Variants in LAS1L observed in about 807,000 individuals in gnomAD.
LAS1L encodes LAS1 like ribosome biogenesis factor.
A neutral mutation model predicts 57.3 loss-of-function variants in LAS1L; 5 were observed. The observed-to-expected ratio is 0.09, with a 90% CI of 0.05 to 0.18. The LOEUF (loss-of-function observed/expected upper bound fraction) is 0.18, where lower values mean the gene tolerates loss of function less well. Among genes scored for constraint, LAS1L ranks in the 10% least tolerant of loss-of-function variants. The pLI is 1.00. For missense variants in LAS1L, 360 were observed against 568.3 expected, an observed-to-expected ratio of 0.63 and a Z score of 3.73; for synonymous variants, 245 against 231.7, an observed-to-expected ratio of 1.06 and a Z score of -0.52.
chrX:65,529,015 G>A (rs2069326718), intron 6 of LAS1L, among the ~76,000 whole-genome samples, 197 bp downstream of exon 6: 1 of 112,022 alleles, frequency 8.9e-6, no homozygotes, highest in Non-Finnish European at 1.9e-5. Context: ...CCCTTCCATC[G>A]GTGTGGAGGA....
intron 5 of LAS1L, 35 bp from the exon 6 acceptor site, chrX:65,529,293 A>G (rs763986446): frequency 1.8e-6 from 2 of 1,110,621 alleles, no homozygotes; most frequent in Non-Finnish European, 2.5e-6. Context: ...TAGGACTGCC[A>G]GCCCAGACCC....
rs780223355 is a variant in LAS1L at position 65,534,470 on chromosome X, G to C, written c.236+10C>G. On this transcript the variant is annotated intron_variant, in intron 1 of 13. Transcript: ENST00000374811. ...GCACGCAGGCAAAAGGGCCGAACCCGCCACCTTACCTGCTCCTCCACACCG... is the reference window on the plus strand; with the variant it reads ...GCACGCAGGCAAAAGGGCCGAACCCCCCACCTTACCTGCTCCTCCACACCG... 6 of 1,179,098 alleles carry C rather than the reference G, an allele frequency of 5.1e-6. No homozygotes were observed. The Admixed American group carries it at 1.4e-4, about 27-fold the overall frequency.
chrX:65,525,185 G>GGGTA, intron 7 of LAS1L, 135 bp from the exon 8 acceptor site: 3 of 484,812 alleles, frequency 6.2e-6, no homozygotes, highest in Non-Finnish European at 7.1e-6. Flanking sequence ...GGTGGTGGGT[G>GGGTA]GGTAGGAGTG....
rs757509182 is a variant in LAS1L at position 65,518,233 on chromosome X, C to T, written c.1681G>A (p.Val561Ile). 8.3e-7 allele frequency: 1 copy of T among 1,212,057 alleles called. No homozygotes were observed. The highest frequency in any genetic ancestry group is 1.8e-5 in the South Asian group (1 of 56,997). ...TTCTCCTCTTCCTTGACATCATTAA[C>T]ACTGCCCTGCTCCTCCTGTTGCTGG... ...KAQQQEEQGS[V>I]NDVKEEEKEE... is the part of the protein sequence containing the mutation. The change falls in exon 12 of 14, where the codon GTT becomes ATT. Residue 561 changes from valine (V) to isoleucine (I), a missense_variant. Coordinates refer to ENST00000374811, the MANE Select transcript of LAS1L (RefSeq NM_031206.7).
intron 7 of LAS1L, among the ~76,000 whole-genome samples, chrX:65,525,867 CT>C (rs770775311): frequency 9.0e-6 from 1 of 110,762 alleles, no homozygotes; most frequent in South Asian, 3.8e-4. Context: ...TCCCAAGAGG[CT>C]TTCTGCTACA....
At chrX:65,516,132 TATA>T (rs762605843) in intron 12 of LAS1L, among the ~76,000 whole-genome samples, 13 of 111,841 alleles carry the variant, frequency 1.2e-4, no homozygotes, top group African/African-American at 4.2e-4. Context: ...CCTGGCATTC[TATA>T]ATGTGTCAAC....
chrX:65,528,398 G>C, intron 6 of LAS1L, 29 bp from the exon 7 acceptor site: 3 of 975,710 alleles, frequency 3.1e-6, no homozygotes, highest in Non-Finnish European at 4.3e-6. Context: ...CCATCAGAAG[G>C]CTGGTTCAGC....
At position 65,512,897 on chromosome X, in the gene LAS1L, A is replaced by G; in HGVS notation, c.2083T>C (p.Leu695=). ...CTGCCGACACCACAGCTCAGGCCCA[A>G]GGTGCTGAGGAGAGAGTGGGAGGTC... is the stretch of plus-strand genomic sequence containing the variant. ...LEPSTCKTDT[L]GLSCGVGSGN... The change falls in exon 14 of 14, where the codon TTG becomes CTG. Residue 695 remains leucine (L), a synonymous_variant. Coordinates refer to ENST00000374811, the MANE Select transcript of LAS1L (RefSeq NM_031206.7). The G allele has an allele frequency of 8.6e-7, 1 of 1,165,121 alleles. No individual in the cohort carries two copies. Among genetic ancestry groups the G allele is most frequent in the East Asian group, 3.3e-5 (1 of 30,718 alleles).
chrX:65,529,052 G>A (rs191753379), intron 6 of LAS1L, among the ~76,000 whole-genome samples, 160 bp downstream of exon 6: 1 of 111,924 alleles, frequency 8.9e-6, no homozygotes, highest in African/African-American at 3.3e-5. Flanking sequence ...TGCTCCTCTT[G>A]TCTCCTTCCT....
At chrX:65,531,108 T>C (rs1407449943) in intron 4 of LAS1L, among the ~76,000 whole-genome samples, 1 of 112,566 alleles carries the variant, frequency 8.9e-6, no homozygotes, top group Non-Finnish European at 1.9e-5. Context: ...ACTAATCCCG[T>C]TTTACTTAAA....
intron 7 of LAS1L, 150 bp from the exon 8 acceptor site, chrX:65,525,200 G>T: frequency 2.2e-6 from 1 of 462,827 alleles, no homozygotes; most frequent in Non-Finnish European, 3.8e-6. Context: ...GGAGTGGGGA[G>T]GAAGGGAGTT....
intron 11 of LAS1L, chrX:65,521,104 G>T: frequency 2.7e-6 from 2 of 751,101 alleles, no homozygotes; most frequent in Non-Finnish European, 3.1e-6. Context: ...GTCTTGCCTT[G>T]ACTGACTTTG....
At chrX:65,513,826 G>A (rs2068528793) in intron 13 of LAS1L, among the ~76,000 whole-genome samples, 1 of 112,245 alleles carries the variant, frequency 8.9e-6, no homozygotes, top group Non-Finnish European at 1.9e-5. Flanking sequence ...CTTACCCAGG[G>A]CCAGGCTGGT....
chrX:65,523,727 C>T lies in LAS1L; in HGVS notation c.1301-20G>A. On this transcript the variant is annotated intron_variant, in intron 10 of 13. Coordinates refer to ENST00000374811, the MANE Select transcript of LAS1L (RefSeq NM_031206.7). ...TCCGTCCTGAGAGAGAAGAGAGGAT[C>T]TAAGGAGAAGGAAGCAGTGAGCCCC... The T allele has an allele frequency of 8.6e-7, 1 of 1,161,739 alleles. No homozygotes were observed. The highest frequency in any genetic ancestry group is 3.1e-5 in the East Asian group (1 of 31,856).
chrX:65,517,638 C>T (rs1291783274), intron 12 of LAS1L, among the ~76,000 whole-genome samples: 5 of 112,396 alleles, frequency 4.4e-5, no homozygotes, highest in Non-Finnish European at 7.5e-5. Flanking sequence ...ACACAGAAAG[C>T]ACTGTCTCAC....
At chrX:65,518,520 A>T (rs1454370765) in intron 11 of LAS1L, 55 bp from the exon 12 acceptor site, 1 of 1,130,095 alleles carries the variant, frequency 8.8e-7, no homozygotes, top group Admixed American at 2.8e-5. Flanking sequence ...GCCACTTCAT[A>T]CCCCAACACT....
chrX:65,524,075 G>A lies in LAS1L; in HGVS notation c.1281C>T (p.Ile427=). Residue 427 remains isoleucine, a synonymous_variant, in exon 10 of 14, where the codon ATC becomes ATT. Coordinates refer to ENST00000374811, the MANE Select transcript of LAS1L (RefSeq NM_031206.7). ...CCTCACCAGTCTTGGTGTTGGCCAC[G>A]ATCAGTTCAACGGTCCATCTGAGGA... The part of the protein sequence containing the change: ...TYILRWTVEL[I]VANTKTGRNA... 1.1e-5 allele frequency: 13 copies of A among 1,210,675 alleles called. No homozygotes were observed. The highest frequency in any genetic ancestry group is 3.0e-5 in the East Asian group (1 of 33,818).
chrX:65,529,707 G>A lies in LAS1L; in HGVS notation c.686C>T (p.Pro229Leu), dbSNP rs748455149. 3 of 1,211,558 alleles carry A rather than the reference G, an allele frequency of 2.5e-6. No homozygotes were observed. The East Asian group carries it at 8.9e-5, about 36-fold the overall frequency. ...VDDITEQKPE[P>L]QDDGKSTESD... ...CTCCGTACTTTTCCCATCATCCTGA[G>A]GCTCTGGTTTCTGTTCTGTGATGTC... The change falls in exon 5 of 14, where the codon CCT (proline) becomes CTT (leucine). Residue 229 changes from proline to leucine, a missense_variant. By Grantham distance (98) the Pro-to-Leu change is moderately conservative. Coordinates refer to ENST00000374811, the MANE Select transcript of LAS1L (RefSeq NM_031206.7).
rs781761458 is a variant in LAS1L, at chrX:65,518,057, A to G, written c.1857T>C (p.Thr619=). Residue 619 remains threonine, a synonymous_variant, in exon 12 of 14, where the codon ACT becomes ACC. Transcript: ENST00000374811. ...GPFSTGQESP[T]AENARLLAQK... is the part of the protein sequence containing the mutation. Reference sequence around the variant, plus strand: ...GGGCCAGAAGCCTAGCATTCTCGGCAGTGGGGGACTCTTGCCCTGTAGAGA... The same window carrying G: ...GGGCCAGAAGCCTAGCATTCTCGGCGGTGGGGGACTCTTGCCCTGTAGAGA... The G allele has an allele frequency of 8.3e-7, 1 of 1,211,948 alleles. No homozygotes were observed. The highest frequency in any genetic ancestry group is 1.7e-5 in the African/African-American group (1 of 57,929).
Sources: allele counts gnomAD v4.1 joint callset (sites outside exome capture counted in the v4.1 genomes callset), GRCh38; gene constraint gnomAD v4.1.1; transcripts MANE v1.5; gene names NCBI Gene and HGNC (gene_info 2026-07-23, HGNC 2026-07-21).